The following KCNIP4 variants were observed in gnomAD, a reference collection of about 807,000 sequenced individuals.
KCNIP4 encodes the protein potassium voltage-gated channel interacting protein 4.
In KCNIP4, 12 loss-of-function variants were observed where a neutral mutation model predicts 34.0. The ratio of observed to expected loss-of-function variants is 0.35; its 90% CI spans 0.23 to 0.57. KCNIP4 has a LOEUF of 0.57. Among genes scored for constraint, KCNIP4 ranks in the 20% least tolerant of loss-of-function variants. The pLI is 0.83. For synonymous variants in KCNIP4, 124 were observed against 102.2 expected (o/e 1.21, Z -1.29); for missense variants, 238 against 311.7 (o/e 0.76, Z 1.78).
chr4:20,881,156 A>C (rs1014635680), intron 2 of KCNIP4, among the ~76,000 whole-genome samples: 1 of 152,204 alleles, frequency 6.6e-6, no homozygotes, highest in East Asian at 1.9e-4. Context: ...TGAATGAATA[A>C]GCAAATTAAT....
At chr4:21,446,098 G>A (rs896825370) in intron 1 of KCNIP4, among the ~76,000 whole-genome samples, 1 of 152,124 alleles carries the variant, frequency 6.6e-6, no homozygotes, top group African/African-American at 2.4e-5. Context: ...CGGTTAGAAT[G>A]GCGATCATTA....
intron 1 of KCNIP4, among the ~76,000 whole-genome samples, chr4:20,940,413 A>C (rs1731523171): frequency 6.6e-6 from 1 of 152,220 alleles, no homozygotes; most frequent in Non-Finnish European, 1.5e-5. Context: ...GCTGGACACA[A>C]AATAGTCAAT....
At chr4:21,061,050 C>T (rs115233645) in intron 1 of KCNIP4, among the ~76,000 whole-genome samples, 2,859 of 152,128 alleles carry the variant, frequency 0.019, 79 homozygotes, top group African/African-American at 0.063. Context: ...ACATTTTATT[C>T]CCAGTAGGAA....
At chr4:21,479,080 T>C (rs1401922162) in intron 1 of KCNIP4, among the ~76,000 whole-genome samples, 1 of 152,174 alleles carries the variant, frequency 6.6e-6, no homozygotes, top group Non-Finnish European at 1.5e-5. Context: ...TATTTCTCTG[T>C]ATAAACTGTT....
chr4:20,871,250 C>T (rs552916052), intron 2 of KCNIP4, among the ~76,000 whole-genome samples: 2 of 152,122 alleles, frequency 1.3e-5, no homozygotes, highest in South Asian at 2.1e-4. Flanking sequence ...ATGGAAGAGT[C>T]ACCAATTGGA....
chr4:21,103,347 CATATAATAT>C (rs1174213131), intron 1 of KCNIP4, among the ~76,000 whole-genome samples: 2 of 144,860 alleles, frequency 1.4e-5, no homozygotes, highest in African/African-American at 5.0e-5. Context: ...ATATAATATA[CATATAATAT>C]ATATAATATA....
intron 1 of KCNIP4, among the ~76,000 whole-genome samples, chr4:21,725,381 A>C (rs1421080215): frequency 6.6e-6 from 1 of 152,130 alleles, no homozygotes; most frequent in Non-Finnish European, 1.5e-5. Context: ...GTCATCCATA[A>C]AATACTCAAT....
intron 1 of KCNIP4, among the ~76,000 whole-genome samples, chr4:21,366,925 T>TGTTAGTGCTAA (rs1719836159): frequency 6.6e-6 from 1 of 152,248 alleles, no homozygotes; most frequent in East Asian, 1.9e-4. Flanking sequence ...ATCACCAATG[T>TGTTAGTGCTAA]GTTAGTATTA....
intron 3 of KCNIP4, among the ~76,000 whole-genome samples, chr4:20,790,627 C>T (rs1263979041): frequency 6.6e-6 from 1 of 151,966 alleles, no homozygotes; most frequent in Non-Finnish European, 1.5e-5. Flanking sequence ...CCTAGGCCTA[C>T]ACAGAATCAG....
chr4:21,705,323 T>C (rs896001174), intron 1 of KCNIP4, among the ~76,000 whole-genome samples: 1 of 152,172 alleles, frequency 6.6e-6, no homozygotes, highest in Admixed American at 6.6e-5. Flanking sequence ...TGAGTTGTGA[T>C]ATTTTATTAT....
At chr4:21,819,677 T>C (rs1304677807) in intron 1 of KCNIP4, among the ~76,000 whole-genome samples, 5 of 152,172 alleles carry the variant, frequency 3.3e-5, no homozygotes, top group Admixed American at 1.3e-4. Flanking sequence ...AAAAAAGGAA[T>C]TTTAAGTTAA....
chr4:21,797,172 GAC>G (rs1370146611), intron 1 of KCNIP4, among the ~76,000 whole-genome samples: 2 of 152,028 alleles, frequency 1.3e-5, no homozygotes, highest in Non-Finnish European at 2.9e-5. Flanking sequence ...TATTTTTAGA[GAC>G]ACAGTCTCTG....
At chr4:21,205,562 G>C (rs911196124) in intron 1 of KCNIP4, among the ~76,000 whole-genome samples, 2 of 152,346 alleles carry the variant, frequency 1.3e-5, no homozygotes, top group South Asian at 4.1e-4. Flanking sequence ...AATGTAGCTT[G>C]TATGTGTTGG....
chr4:21,814,315 G>A (rs923557270), intron 1 of KCNIP4, among the ~76,000 whole-genome samples: 2 of 152,076 alleles, frequency 1.3e-5, no homozygotes, highest in Admixed American at 6.5e-5. Context: ...ATCTTAAATT[G>A]TAGCTCCCAC....
intron 1 of KCNIP4, among the ~76,000 whole-genome samples, chr4:21,604,538 G>A (rs1029540509): frequency 1.3e-5 from 2 of 151,932 alleles, no homozygotes; most frequent in Non-Finnish European, 1.5e-5. Context: ...TCCTCAAATG[G>A]CAAGCATAAA....
At chr4:21,037,204 A>G (rs1461403772) in intron 1 of KCNIP4, among the ~76,000 whole-genome samples, 1 of 152,210 alleles carries the variant, frequency 6.6e-6, no homozygotes, top group Non-Finnish European at 1.5e-5. Context: ...TTACTGAAGA[A>G]AAAATATTCT....
intron 1 of KCNIP4, among the ~76,000 whole-genome samples, chr4:21,436,924 T>C (rs1464880344): frequency 6.6e-6 from 1 of 152,242 alleles, no homozygotes; most frequent in African/African-American, 2.4e-5. Context: ...AATGAACAAC[T>C]GTGCCATCGT....
intron 3 of KCNIP4, among the ~76,000 whole-genome samples, chr4:20,839,063 A>T (rs944201272): frequency 6.6e-6 from 1 of 152,138 alleles, no homozygotes; most frequent in Non-Finnish European, 1.5e-5. Flanking sequence ...AATAAAAGTA[A>T]CCACAATAAA....
intron 2 of KCNIP4, among the ~76,000 whole-genome samples, chr4:20,861,156 T>C (rs915419700): frequency 6.6e-6 from 1 of 152,160 alleles, no homozygotes; most frequent in African/African-American, 2.4e-5. Context: ...GCCCCAAACC[T>C]GTCTTTCCCC....
Sources: allele counts gnomAD v4.1 joint callset (sites outside exome capture counted in the v4.1 genomes callset), GRCh38; gene constraint gnomAD v4.1.1; transcripts MANE v1.5; gene names NCBI Gene and HGNC (gene_info 2026-07-23, HGNC 2026-07-21).